Variants in CCDC102B observed in about 807,000 individuals in gnomAD.
The protein encoded by CCDC102B is coiled-coil domain-containing protein 102B.
CCDC102B carries 75 observed loss-of-function variants against 57.4 expected under a neutral mutation model. The observed-to-expected ratio is 1.31, with a 90% CI of 1.08 to 1.58. The LOEUF is 1.58. Ranked by LOEUF, CCDC102B falls within the 40% of genes most tolerant of loss-of-function variation. The pLI is 0.00. For synonymous variants in CCDC102B, 206 were observed against 201.9 expected (o/e 1.02, Z -0.17); for missense variants, 636 against 582.6 (o/e 1.09, Z -0.94).
intron 2 of CCDC102B, among the ~76,000 whole-genome samples, chr18:68,742,542 A>G (rs1440865330): frequency 6.6e-6 from 1 of 152,248 alleles, no homozygotes; most frequent in Non-Finnish European, 1.5e-5. Context: ...ATGTTTGTAT[A>G]TAAGGCAAAC....
chr18:68,790,584 C>A (rs916354376), intron 2 of CCDC102B, among the ~76,000 whole-genome samples: 2 of 152,110 alleles, frequency 1.3e-5, no homozygotes, highest in Non-Finnish European at 2.9e-5. Flanking sequence ...TGGGAGTGAC[C>A]CGATTTTCCA....
chr18:69,007,924 G>C (rs764671652), intron 6 of CCDC102B, among the ~76,000 whole-genome samples: 12 of 152,056 alleles, frequency 7.9e-5, no homozygotes, highest in Non-Finnish European at 1.8e-4. Context: ...AACACTGAAG[G>C]CTTATTGCTT....
At chr18:69,033,188 A>T (rs1320478718) in intron 7 of CCDC102B, among the ~76,000 whole-genome samples, 1 of 152,110 alleles carries the variant, frequency 6.6e-6, no homozygotes, top group Non-Finnish European at 1.5e-5. Flanking sequence ...CTTTGTAGAA[A>T]CCCAAGACTT....
intron 6 of CCDC102B, among the ~76,000 whole-genome samples, chr18:68,944,254 G>C (rs2049469787): frequency 6.6e-6 from 1 of 151,676 alleles, no homozygotes; most frequent in African/African-American, 2.4e-5. Context: ...AACAAGGCTG[G>C]GTAATTAAGG....
chr18:69,037,604 G>A (rs1278195483), intron 7 of CCDC102B, among the ~76,000 whole-genome samples: 1 of 151,912 alleles, frequency 6.6e-6, no homozygotes, highest in Non-Finnish European at 1.5e-5. Context: ...ATCCTCAGGT[G>A]ATTTATGAGA....
intron 6 of CCDC102B, among the ~76,000 whole-genome samples, chr18:68,948,754 A>G (rs1322415361): frequency 6.6e-6 from 1 of 152,100 alleles, no homozygotes; most frequent in Admixed American, 6.6e-5. Context: ...ATACATATTT[A>G]GTGAATACCT....
intron 6 of CCDC102B, among the ~76,000 whole-genome samples, chr18:68,913,793 A>C (rs1416768431): frequency 6.6e-6 from 1 of 152,234 alleles, no homozygotes; most frequent in Non-Finnish European, 1.5e-5. Context: ...CTTCACAGGC[A>C]GTTCCTATTC....
At chr18:68,745,172 G>A (rs1214270543) in intron 2 of CCDC102B, among the ~76,000 whole-genome samples, 1 of 152,090 alleles carries the variant, frequency 6.6e-6, no homozygotes, top group African/African-American at 2.4e-5. Flanking sequence ...AAGAAGTGGG[G>A]TGTGCTTGGT....
chr18:68,731,503 G>T (rs1056477600), intron 2 of CCDC102B, among the ~76,000 whole-genome samples: 22 of 151,898 alleles, frequency 1.4e-4, no homozygotes, highest in African/African-American at 5.3e-4. Context: ...ATGGAAAATT[G>T]ATTTTTGAGG....
intron 1 of CCDC102B, among the ~76,000 whole-genome samples, chr18:68,799,165 T>C (rs762463742): frequency 3.4e-4 from 52 of 152,140 alleles, no homozygotes; most frequent in Non-Finnish European, 6.9e-4. Flanking sequence ...ATATATCCAG[T>C]AAATATTCTT....
chr18:69,052,084 G>T (rs1167328365), intron 7 of CCDC102B, among the ~76,000 whole-genome samples: 1 of 151,608 alleles, frequency 6.6e-6, no homozygotes, highest in Non-Finnish European at 1.5e-5. Context: ...TGCCAAAAAT[G>T]CTTGGGACTC....
intron 2 of CCDC102B, among the ~76,000 whole-genome samples, chr18:68,791,281 C>A (rs776122056): frequency 2.0e-5 from 3 of 152,112 alleles, no homozygotes; most frequent in Non-Finnish European, 2.9e-5. Flanking sequence ...ACACTCTTTC[C>A]TTAGTGAGGT....
At chr18:68,852,842 AGAT>A (rs1386426414) in intron 4 of CCDC102B, among the ~76,000 whole-genome samples, 2 of 151,474 alleles carry the variant, frequency 1.3e-5, no homozygotes, top group East Asian at 1.9e-4. Context: ...ACAAAGGAGA[AGAT>A]GTGCAATTCC....
chr18:68,763,127 T>C (rs2034308886), intron 2 of CCDC102B, among the ~76,000 whole-genome samples: 1 of 152,182 alleles, frequency 6.6e-6, no homozygotes, highest in Non-Finnish European at 1.5e-5. Flanking sequence ...TTGGTTTACA[T>C]TTATTTACTG....
intron 7 of CCDC102B, among the ~76,000 whole-genome samples, chr18:69,017,706 A>G (rs1305333885): frequency 1.3e-5 from 2 of 152,176 alleles, no homozygotes; most frequent in African/African-American, 4.8e-5. Context: ...ACAACACAGT[A>G]TTCTTAACTG....
At chr18:68,783,103 T>C (rs551612229) in intron 2 of CCDC102B, among the ~76,000 whole-genome samples, 126 of 152,174 alleles carry the variant, frequency 8.3e-4, no homozygotes, top group South Asian at 4.4e-3. Flanking sequence ...CCAGTGGAGG[T>C]TGGTACGATT....
At chr18:69,010,891 A>C in intron 6 of CCDC102B, 43 bp from the exon 7 acceptor site, 2 of 1,383,156 alleles carry the variant, frequency 1.4e-6, no homozygotes, top group Non-Finnish European at 1.9e-6. Flanking sequence ...TGATTTTATC[A>C]GAATAGACTA....
At chr18:68,770,681 C>T (rs949227300) in intron 2 of CCDC102B, among the ~76,000 whole-genome samples, 3 of 152,164 alleles carry the variant, frequency 2.0e-5, no homozygotes, top group Admixed American at 2.0e-4. Flanking sequence ...ACCATTTAGT[C>T]AAAAGTGATT....
At chr18:68,999,901 A>G (rs144089489) in intron 6 of CCDC102B, among the ~76,000 whole-genome samples, 11 of 152,282 alleles carry the variant, frequency 7.2e-5, no homozygotes, top group African/African-American at 2.2e-4. Flanking sequence ...ATAAACTCAC[A>G]TCTGTTTTTG....
Sources: allele counts gnomAD v4.1 joint callset (sites outside exome capture counted in the v4.1 genomes callset), GRCh38; gene constraint gnomAD v4.1.1; transcripts MANE v1.5; gene names NCBI Gene and HGNC (gene_info 2026-07-23, HGNC 2026-07-21).